The following MYT1L variants were observed in gnomAD, a reference collection of about 807,000 sequenced individuals.
MYT1L encodes the protein myelin transcription factor 1-like protein.
A neutral mutation model predicts 126.7 loss-of-function variants in MYT1L; 12 were observed. The ratio of observed to expected loss-of-function variants is 0.09; its 90% CI spans 0.06 to 0.15. The LOEUF (loss-of-function observed/expected upper bound fraction) is 0.15. MYT1L is among the 10% of genes least tolerant of loss of function. The pLI is 1.00. For synonymous variants in MYT1L, 541 were observed against 604.2 expected (o/e 0.90, Z 1.53); for missense variants, 979 against 1,585.2 (o/e 0.62, Z 6.49).
intron 10 of MYT1L, among the ~76,000 whole-genome samples, chr2:1,921,393 C>T (rs568851728): frequency 6.6e-6 from 1 of 152,194 alleles, no homozygotes; most frequent in East Asian, 1.9e-4. Flanking sequence ...AACATGAAGA[C>T]AATCATTCAG....
At chr2:1,796,570 GT>G (rs987349395) in intron 23 of MYT1L, among the ~76,000 whole-genome samples, 1 of 152,308 alleles carries the variant, frequency 6.6e-6, no homozygotes, top group African/African-American at 2.4e-5. Flanking sequence ...GAGCTGGGGG[GT>G]TTCTTGTGAA....
At chr2:2,320,275 A>G (rs1157242147) in intron 1 of MYT1L, among the ~76,000 whole-genome samples, 1 of 151,968 alleles carries the variant, frequency 6.6e-6, no homozygotes, top group Non-Finnish European at 1.5e-5. Flanking sequence ...TGGTGTTGGC[A>G]GTGTGTCAAG....
intron 4 of MYT1L, among the ~76,000 whole-genome samples, chr2:2,000,925 T>A (rs1025775862): frequency 1.3e-5 from 2 of 152,232 alleles, no homozygotes; most frequent in African/African-American, 4.8e-5. Flanking sequence ...GTCTGCAGTC[T>A]AATCCTGGTT....
rs141492549 is a variant in MYT1L, at chr2:2,128,707, T to A, written c.-304+44165A>T. ...TAAATGGAAAAACAATAGGAAACAT[T>A]CTATACCCATTTCAAATAAAGAGTG... On this transcript the variant is annotated intron_variant, in intron 3 of 24. Coordinates refer to ENST00000647738, the MANE Select transcript of MYT1L (RefSeq NM_001303052.2). 4.9e-3 allele frequency among the ~76,000 whole-genome samples: 741 copies of A among 152,286 alleles called. 5 individuals carry two copies. Among genetic ancestry groups the A allele is most frequent in the African/African-American group, 0.017 (717 of 41,566 alleles).
At chr2:2,123,113 T>C (rs1277531944) in intron 3 of MYT1L, among the ~76,000 whole-genome samples, 4 of 152,130 alleles carry the variant, frequency 2.6e-5, no homozygotes, top group Admixed American at 6.6e-5. Flanking sequence ...ATCTGACCCA[T>C]TTCTTTGGGC....
At chr2:2,117,816 A>G (rs185150548) in intron 3 of MYT1L, among the ~76,000 whole-genome samples, 3 of 152,274 alleles carry the variant, frequency 2.0e-5, no homozygotes, top group African/African-American at 7.2e-5. Flanking sequence ...AGAGAGGAAG[A>G]AACTGGAGAC....
intron 8 of MYT1L, among the ~76,000 whole-genome samples, chr2:1,961,048 A>G (rs1014118469): frequency 3.9e-5 from 6 of 152,352 alleles, no homozygotes; most frequent in Admixed American, 6.5e-5. Flanking sequence ...AGCACTCAAC[A>G]ATTAGTATCG....
At chr2:2,197,806 T>A (rs140104810) in intron 2 of MYT1L, among the ~76,000 whole-genome samples, 5 of 150,138 alleles carry the variant, frequency 3.3e-5, no homozygotes, top group Non-Finnish European at 7.4e-5. Flanking sequence ...CACACATATA[T>A]ACACACATGC....
At chr2:2,068,117 T>A (rs150342850) in intron 3 of MYT1L, among the ~76,000 whole-genome samples, 1 of 152,232 alleles carries the variant, frequency 6.6e-6, no homozygotes, top group Non-Finnish European at 1.5e-5. Context: ...CTGAGGAATC[T>A]TCTGGTCCAA....
chr2:1,892,297 C>A lies in MYT1L; in HGVS notation c.2033-10G>T. On this transcript the variant is annotated splice_polypyrimidine_tract_variant and intron_variant, in intron 14 of 24. Coordinates refer to ENST00000647738, the MANE Select transcript of MYT1L (RefSeq NM_001303052.2). ...TTGCAGTACCGCTTCGCTGGGGAGA[C>A]AGGGACAGGGATGACTCAGGCCCCG... 1.9e-6 allele frequency: 3 copies of A among 1,546,378 alleles called. No homozygotes were observed. The highest frequency in any genetic ancestry group is 2.6e-6 in the Non-Finnish European group (3 of 1,144,926).
intron 3 of MYT1L, among the ~76,000 whole-genome samples, chr2:2,172,436 A>AC (rs2090180370): frequency 6.6e-6 from 1 of 152,156 alleles, no homozygotes; most frequent in Admixed American, 6.5e-5. Flanking sequence ...ATCTAATTTA[A>AC]CTGCAAAGGA....
intron 2 of MYT1L, among the ~76,000 whole-genome samples, chr2:2,266,387 A>T (rs1054150558): frequency 6.6e-6 from 1 of 152,080 alleles, no homozygotes; most frequent in African/African-American, 2.4e-5. Context: ...CTCAATATTC[A>T]CACAAACTGT....
intron 5 of MYT1L, among the ~76,000 whole-genome samples, chr2:1,989,035 T>A (rs762540167): frequency 6.6e-6 from 1 of 152,140 alleles, no homozygotes; most frequent in Non-Finnish European, 1.5e-5. Flanking sequence ...TATATTAGCC[T>A]TTCATGTCCC....
At chr2:2,170,076 GC>G (rs2089797745) in intron 3 of MYT1L, among the ~76,000 whole-genome samples, 1 of 152,188 alleles carries the variant, frequency 6.6e-6, no homozygotes, top group Admixed American at 6.5e-5. Flanking sequence ...GGAAGCTTCT[GC>G]TAGCTCCACC....
At chr2:2,183,410 G>C (rs1288238034) in intron 2 of MYT1L, among the ~76,000 whole-genome samples, 1 of 152,188 alleles carries the variant, frequency 6.6e-6, no homozygotes, top group Non-Finnish European at 1.5e-5. Flanking sequence ...GGTAGGAAGA[G>C]AGAAGGAGCC....
At chr2:1,843,321 A>G (rs769099621) in intron 19 of MYT1L, among the ~76,000 whole-genome samples, 1 of 152,190 alleles carries the variant, frequency 6.6e-6, no homozygotes, top group East Asian at 1.9e-4. Context: ...CGGTTCCCCA[A>G]TTCCTAGCCC....
At chr2:1,925,537 C>T (rs2054113400) in intron 9 of MYT1L, among the ~76,000 whole-genome samples, 1 of 152,188 alleles carries the variant, frequency 6.6e-6, no homozygotes, top group Non-Finnish European at 1.5e-5. Context: ...TGTTTCTCCA[C>T]TCAATTCATA....
chr2:2,044,992 C>T (rs960511878), intron 4 of MYT1L, among the ~76,000 whole-genome samples: 1 of 152,164 alleles, frequency 6.6e-6, no homozygotes, highest in Non-Finnish European at 1.5e-5. Flanking sequence ...GGTGTTTAAA[C>T]ATGTGAGTTC....
chr2:2,266,829 C>G (rs149230841), intron 2 of MYT1L, among the ~76,000 whole-genome samples: 1 of 152,350 alleles, frequency 6.6e-6, no homozygotes, highest in East Asian at 1.9e-4. Context: ...GCCTCTCCTT[C>G]TCTTGTCTGC....
Sources: allele counts gnomAD v4.1 joint callset (sites outside exome capture counted in the v4.1 genomes callset), GRCh38; gene constraint gnomAD v4.1.1; transcripts MANE v1.5; gene names NCBI Gene and HGNC (gene_info 2026-07-23, HGNC 2026-07-21).